LUZP2: variants seen among roughly 807,000 people sequenced by gnomAD.
The protein encoded by LUZP2 is leucine zipper protein 2.
A neutral mutation model predicts 51.6 loss-of-function variants in LUZP2; 52 were observed. The observed-to-expected ratio is 1.01, with a 90% CI of 0.81 to 1.27. LUZP2 has a LOEUF of 1.27. Ranked by LOEUF, LUZP2 falls within the 50% of genes most tolerant of loss-of-function variation. The pLI is 0.00. For missense variants in LUZP2, 436 were observed against 395.4 expected (o/e 1.10, Z -0.87); for synonymous variants, 154 against 137.3 (o/e 1.12, Z -0.85).
At chr11:25,045,218 G>GA (rs541496713) in intron 9 of LUZP2, among the ~76,000 whole-genome samples, 3 of 150,988 alleles carry the variant, frequency 2.0e-5, no homozygotes, top group Admixed American at 2.0e-4. Flanking sequence ...AATAATAAAA[G>GA]AAAAAAAATG....
intron 1 of LUZP2, among the ~76,000 whole-genome samples, chr11:24,581,976 C>T (rs1216760823): frequency 6.6e-6 from 1 of 151,930 alleles, no homozygotes; most frequent in Non-Finnish European, 1.5e-5. Context: ...TCCTAAGCAC[C>T]GCCACCTCCT....
intron 5 of LUZP2, among the ~76,000 whole-genome samples, chr11:24,832,955 C>T (rs1025782730): frequency 1.1e-4 from 17 of 152,080 alleles, no homozygotes; most frequent in African/African-American, 4.1e-4. Context: ...ATTTCAATTC[C>T]ATATTTAGTC....
rs184595057 is a variant in LUZP2 at position 24,904,061 on chromosome 11, G to A, written c.397-1930G>A. On this transcript the variant is annotated intron_variant, in intron 5 of 11. Coordinates refer to ENST00000336930, the MANE Select transcript of LUZP2 (RefSeq NM_001009909.4). The stretch of plus-strand genomic sequence containing the variant: ...TTGAGACACTTCCATACTGTTTTCC[G>A]TAATGGCTGTACTAATTTACATTCC... Among the ~76,000 whole-genome samples the A allele has an allele frequency of 2.8e-3, 424 of 152,040 alleles. 4 individuals are homozygous for A. Among genetic ancestry groups the A allele is most frequent in the South Asian group, 1.0e-2 (48 of 4,818 alleles).
intron 1 of LUZP2, among the ~76,000 whole-genome samples, chr11:24,547,419 C>T (rs981432838): frequency 6.6e-6 from 1 of 151,968 alleles, no homozygotes; most frequent in African/African-American, 2.4e-5. Context: ...AGCTTCACAC[C>T]TGCAACCAAC....
At chr11:24,613,333 C>A (rs1854182078) in intron 1 of LUZP2, among the ~76,000 whole-genome samples, 2 of 141,838 alleles carry the variant, frequency 1.4e-5, no homozygotes, top group South Asian at 4.6e-4. Flanking sequence ...GGTGCACACA[C>A]ACACTCTCAT....
intron 1 of LUZP2, among the ~76,000 whole-genome samples, chr11:24,533,613 C>T (rs1851081150): frequency 2.6e-5 from 4 of 151,202 alleles, no homozygotes; most frequent in Non-Finnish European, 5.9e-5. Flanking sequence ...TAAAACTTAT[C>T]CTTGCTACTT....
At chr11:24,769,023 G>A (rs1415650074) in intron 5 of LUZP2, among the ~76,000 whole-genome samples, 1 of 152,222 alleles carries the variant, frequency 6.6e-6, no homozygotes, top group South Asian at 2.1e-4. Flanking sequence ...TAAAAATGTG[G>A]TATATATAAA....
chr11:24,926,431 ATATATACGTG>A lies in LUZP2; in HGVS notation c.522+11900_522+11909del, dbSNP rs1389932887. On this transcript the variant is annotated intron_variant, in intron 7 of 11. Coordinates refer to ENST00000336930, the MANE Select transcript of LUZP2 (RefSeq NM_001009909.4). ...TACGTGTGTATATATATGTGTGTAT[ATATATACGTG>A]TATATATGTGTGTGTATATATATAC... Among the ~76,000 whole-genome samples, 266 of 141,810 alleles carry A rather than the reference ATATATACGTG, an allele frequency of 1.9e-3. 2 individuals carry two copies. The highest frequency in any genetic ancestry group is 2.9e-3 in the Non-Finnish European group (192 of 65,202). 93.0% of individuals were successfully genotyped at this position (141,810 alleles called of 152,430 possible). A position where few individuals can be genotyped will look rare whatever the true frequency, so the allele number is the denominator to read the frequency against.
intron 4 of LUZP2, among the ~76,000 whole-genome samples, chr11:24,744,248 C>T (rs1426715881): frequency 6.6e-6 from 1 of 152,072 alleles, no homozygotes; most frequent in Non-Finnish European, 1.5e-5. Flanking sequence ...GGAGGGTTCC[C>T]TCTTTTTCTA....
At chr11:24,582,271 G>A (rs1852886321) in intron 1 of LUZP2, among the ~76,000 whole-genome samples, 1 of 148,634 alleles carries the variant, frequency 6.7e-6, no homozygotes, top group African/African-American at 2.5e-5. Flanking sequence ...TTTTTAAAAG[G>A]AGTGTGGCTC....
intron 1 of LUZP2, among the ~76,000 whole-genome samples, chr11:24,553,827 G>A (rs541896247): frequency 1.3e-5 from 2 of 152,194 alleles, no homozygotes; most frequent in Non-Finnish European, 2.9e-5. Context: ...CTTTACATGG[G>A]CAGGAAAATC....
At chr11:24,991,021 T>G (rs1856317790) in intron 9 of LUZP2, among the ~76,000 whole-genome samples, 1 of 152,014 alleles carries the variant, frequency 6.6e-6, no homozygotes, top group East Asian at 1.9e-4. Flanking sequence ...TTTGGTTACA[T>G]GAGTAAGTTC....
chr11:24,590,540 A>G (rs956886340), intron 1 of LUZP2, among the ~76,000 whole-genome samples: 1 of 152,192 alleles, frequency 6.6e-6, no homozygotes, highest in Non-Finnish European at 1.5e-5. Flanking sequence ...TATCACTTTT[A>G]GAGAAACAGA....
At chr11:24,891,071 G>A (rs1039865868) in intron 5 of LUZP2, 17 of 983,344 alleles carry the variant, frequency 1.7e-5, no homozygotes, top group Admixed American at 6.2e-5. Flanking sequence ...GCTGAGAAAC[G>A]TTCAAAAATG....
At chr11:24,860,019 G>A (rs1198440093) in intron 5 of LUZP2, among the ~76,000 whole-genome samples, 1 of 152,188 alleles carries the variant, frequency 6.6e-6, no homozygotes, top group Non-Finnish European at 1.5e-5. Context: ...GTAGCAACCG[G>A]TGCTAGGACT....
chr11:24,984,549 T>TATATATAAATAA (rs60530495), intron 9 of LUZP2, among the ~76,000 whole-genome samples: 1 of 71,224 alleles, frequency 1.4e-5, no homozygotes, highest in Non-Finnish European at 2.8e-5. Context: ...TATATATATA[T>TATATATAAATAA]AATTGTGAAT....
At chr11:24,726,221 G>A (rs982791477) in intron 1 of LUZP2, among the ~76,000 whole-genome samples, 1 of 151,956 alleles carries the variant, frequency 6.6e-6, no homozygotes, top group Non-Finnish European at 1.5e-5. Context: ...CTCTAATAAA[G>A]TAAATACAAA....
chr11:25,050,064 T>C lies in LUZP2; in HGVS notation c.792T>C (p.Asn264=). The C allele has an allele frequency of 2.5e-6, 4 of 1,598,852 alleles. No homozygotes were observed. Among genetic ancestry groups the C allele is most frequent in the Non-Finnish European group, 3.4e-6 (4 of 1,172,434 alleles). The change falls in exon 10 of 12, where the codon AAT becomes AAC. Residue 264 remains asparagine (N), a synonymous_variant. Transcript: ENST00000336930. The part of the protein sequence containing the change: ...SKPQQSASGN[N]ESSQVESTKE... Reference sequence around the variant, plus strand: ...CTCAACAAAGTGCTTCTGGAAACAATGAGAGCTCTCAAGTTGAGTCAACAA... The same window carrying C: ...CTCAACAAAGTGCTTCTGGAAACAACGAGAGCTCTCAAGTTGAGTCAACAA...
chr11:24,503,554 G>A (rs1465465282), intron 1 of LUZP2, among the ~76,000 whole-genome samples: 1 of 152,100 alleles, frequency 6.6e-6, no homozygotes, highest in Non-Finnish European at 1.5e-5. Context: ...TGAATTGTTT[G>A]GTGTTGCTTT....
Sources: gnomAD v4.1 joint callset for allele counts (sites outside exome capture counted in the v4.1 genomes callset) on GRCh38, gnomAD v4.1.1 for gene constraint, MANE v1.5 for transcripts, NCBI Gene and HGNC (gene_info 2026-07-23, HGNC 2026-07-21) for gene names.